Variants in XKR6 observed in about 807,000 individuals in gnomAD.
XKR6 encodes the protein XK related 6, also known as XK-related protein 6.
In XKR6, 22 loss-of-function variants were observed where a neutral mutation model predicts 56.7. The ratio of observed to expected loss-of-function variants is 0.39; its 90% CI spans 0.28 to 0.55. The LOEUF is 0.55. Ranked by LOEUF, XKR6 falls within the 20% of genes least tolerant of loss-of-function variation. The probability of loss-of-function intolerance (pLI) is 0.66; values close to 1 mark genes in which losing one functional copy is unlikely to be tolerated. For missense variants in XKR6, 852 were observed against 889.0 expected, an observed-to-expected ratio of 0.96 and a Z score of 0.53; for synonymous variants, 524 against 387.8, an observed-to-expected ratio of 1.35 and a Z score of -4.13.
intron 1 of XKR6, among the ~76,000 whole-genome samples, chr8:11,159,220 T>G (rs1801673650): frequency 6.6e-6 from 1 of 152,250 alleles, no homozygotes; most frequent in South Asian, 2.1e-4. Flanking sequence ...GGGGTCTCAA[T>G]GACCCTTGTC....
At chr8:11,181,011 A>G (rs1486311628) in intron 1 of XKR6, among the ~76,000 whole-genome samples, 2 of 152,230 alleles carry the variant, frequency 1.3e-5, no homozygotes, top group Non-Finnish European at 2.9e-5. Flanking sequence ...TGGACCCACA[A>G]GGCTTCATAC....
rs1161897004 is a variant in XKR6 at position 11,137,894 on chromosome 8, G to C, written c.764+62682C>G. On this transcript the variant is annotated intron_variant, in intron 1 of 2. Coordinates refer to ENST00000416569, the MANE Select transcript of XKR6 (RefSeq NM_173683.4). The stretch of plus-strand genomic sequence containing the variant: ...ATATATTAAATAAACTAAAGAATAA[G>C]ACTTAGGTCCAAAATCCTATTTCGT... 3 of 357,174 alleles carry C rather than the reference G, an allele frequency of 8.4e-6. No individual in the cohort carries two copies. The Admixed American group carries it at 1.2e-4, about 14-fold the overall frequency. 22.1% of individuals were successfully genotyped at this position (357,174 alleles called of 1,614,324 possible).
intron 1 of XKR6, among the ~76,000 whole-genome samples, chr8:10,946,411 G>A (rs1801540398): frequency 6.6e-6 from 1 of 152,144 alleles, no homozygotes; most frequent in Non-Finnish European, 1.5e-5. Flanking sequence ...GTACCTTTGT[G>A]TAAGCCTCGG....
intron 1 of XKR6, among the ~76,000 whole-genome samples, chr8:11,163,929 T>C (rs1293984662): frequency 2.6e-5 from 4 of 152,116 alleles, no homozygotes; most frequent in African/African-American, 9.7e-5. Flanking sequence ...AGGCCAAAAG[T>C]AGAGAGAGAC....
chr8:11,033,430 G>GTGATGATGA (rs927719207), intron 1 of XKR6, among the ~76,000 whole-genome samples: 36 of 139,158 alleles, frequency 2.6e-4, no homozygotes, highest in African/African-American at 9.4e-4. Context: ...GATGATGATG[G>GTGATGATGA]TGATGATGAT....
At chr8:11,090,788 G>C (rs151311015) in intron 1 of XKR6, among the ~76,000 whole-genome samples, 3 of 152,040 alleles carry the variant, frequency 2.0e-5, no homozygotes, top group East Asian at 1.9e-4. Flanking sequence ...CCAATCTTTT[G>C]TTGGTTCTAT....
At chr8:11,143,870 T>C (rs1045250371) in intron 1 of XKR6, among the ~76,000 whole-genome samples, 1 of 152,154 alleles carries the variant, frequency 6.6e-6, no homozygotes, top group Non-Finnish European at 1.5e-5. Context: ...TTCCCACAGT[T>C]CTGGAGGCTG....
At chr8:10,951,783 G>A (rs1801731908) in intron 1 of XKR6, among the ~76,000 whole-genome samples, 1 of 152,204 alleles carries the variant, frequency 6.6e-6, no homozygotes, top group Non-Finnish European at 1.5e-5. Context: ...GGCCTTGGGA[G>A]AGGGAGAAAC....
intron 1 of XKR6, among the ~76,000 whole-genome samples, chr8:11,131,210 T>C (rs957870607): frequency 6.6e-6 from 1 of 152,186 alleles, no homozygotes; most frequent in African/African-American, 2.4e-5. Context: ...TCCATAGCTT[T>C]ATAGTTCCCA....
chr8:11,155,362 A>G (rs542154879), intron 1 of XKR6, among the ~76,000 whole-genome samples: 1 of 152,318 alleles, frequency 6.6e-6, no homozygotes, highest in South Asian at 2.1e-4. Context: ...TTGTTTTTAA[A>G]CCAGTATGAC....
intron 1 of XKR6, among the ~76,000 whole-genome samples, chr8:11,198,422 G>C (rs1804007982): frequency 6.7e-6 from 1 of 150,136 alleles, no homozygotes; most frequent in Non-Finnish European, 1.5e-5. Flanking sequence ...GAAATATTTA[G>C]AGATATATTC....
In XKR6 at chr8:11,174,760, A is replaced by T. The variant is rs58668928; in HGVS notation, c.764+25816T>A. On this transcript the variant is annotated intron_variant, in intron 1 of 2. Coordinates refer to ENST00000416569, the MANE Select transcript of XKR6 (RefSeq NM_173683.4). The stretch of plus-strand genomic sequence containing the variant: ...CTTTCCAAGTCTAGCTCTCACCTGG[A>T]GTCTCGGGAGCACATACTAGAGGGC... Among the ~76,000 whole-genome samples, 1,141 of 152,194 alleles carry T rather than the reference A, an allele frequency of 7.5e-3. 14 individuals carry two copies. The highest frequency in any genetic ancestry group is 0.023 in the African/African-American group (960 of 41,518).
chr8:11,006,442 A>G (rs1344011849), intron 1 of XKR6, among the ~76,000 whole-genome samples: 1 of 152,188 alleles, frequency 6.6e-6, no homozygotes, highest in South Asian at 2.1e-4. Context: ...CATGCCAGTC[A>G]TTGGAGACAT....
At chr8:11,157,145 C>A (rs912393851) in intron 1 of XKR6, among the ~76,000 whole-genome samples, 1 of 152,134 alleles carries the variant, frequency 6.6e-6, no homozygotes, top group Non-Finnish European at 1.5e-5. Context: ...AAATGCCTGA[C>A]CAGCAAGCCT....
intron 1 of XKR6, among the ~76,000 whole-genome samples, chr8:11,045,612 A>C (rs1586472110): frequency 6.6e-6 from 1 of 152,342 alleles, no homozygotes; most frequent in East Asian, 1.9e-4. Context: ...TAAATTAAAC[A>C]ATGTGTGTAT....
At chr8:11,165,585 T>G (rs1802034317) in intron 1 of XKR6, among the ~76,000 whole-genome samples, 1 of 152,162 alleles carries the variant, frequency 6.6e-6, no homozygotes, top group Admixed American at 6.5e-5. Flanking sequence ...ATAATTATAA[T>G]TTACTAGCAA....
At chr8:11,160,877 A>C (rs2117010272) in intron 1 of XKR6, among the ~76,000 whole-genome samples, 1 of 136,050 alleles carries the variant, frequency 7.4e-6, no homozygotes, top group Non-Finnish European at 1.5e-5. Flanking sequence ...ACACCACTGC[A>C]CTCCAGCCTG....
chr8:10,910,236 G>C (rs141068527), intron 2 of XKR6, among the ~76,000 whole-genome samples: 3 of 151,972 alleles, frequency 2.0e-5, no homozygotes, highest in Non-Finnish European at 4.4e-5. Context: ...AAATATAATC[G>C]CGCTGAGGTT....
intron 1 of XKR6, chr8:11,107,900 A>G (rs1057045146): frequency 4.4e-6 from 1 of 228,620 alleles, no homozygotes; most frequent in Non-Finnish European, 8.6e-6. Flanking sequence ...CTCATGTACA[A>G]AGAGCAATGC....
Sources: allele counts gnomAD v4.1 joint callset (sites outside exome capture counted in the v4.1 genomes callset), GRCh38; gene constraint gnomAD v4.1.1; transcripts MANE v1.5; gene names NCBI Gene and HGNC (gene_info 2026-07-23, HGNC 2026-07-21).